The following MGAM variants were observed in gnomAD, a reference collection of about 807,000 sequenced individuals.
The protein encoded by MGAM is alpha-1,4-glucosidase.
In MGAM, 253 loss-of-function variants were observed where a neutral mutation model predicts 358.8. The observed-to-expected ratio is 0.71, with a 90% confidence interval of 0.64 to 0.78. The LOEUF is 0.78. Among genes scored for constraint, MGAM ranks in the 30% least tolerant of loss-of-function variants. MGAM has a pLI of 0.00. For synonymous variants in MGAM, 1,105 were observed against 1,227.1 expected, an observed-to-expected ratio of 0.90 and a Z score of 2.08; for missense variants, 3,080 against 3,432.6, an observed-to-expected ratio of 0.90 and a Z score of 2.57.
chr7:142,103,008 G>A (rs1014227180), intron 69 of MGAM, among the ~76,000 whole-genome samples: 1 of 152,204 alleles, frequency 6.6e-6, no homozygotes, highest in Non-Finnish European at 1.5e-5. Flanking sequence ...TAGAATATAA[G>A]TATCTTAACA....
At chr7:142,092,752 T>A (rs1230946256) in intron 59 of MGAM, 144 bp downstream of exon 59, 3 of 813,472 alleles carry the variant, frequency 3.7e-6, no homozygotes, top group Non-Finnish European at 5.7e-6. Flanking sequence ...AGACAAAAGC[T>A]CTGCACGCGC....
intron 21 of MGAM, among the ~76,000 whole-genome samples, chr7:142,045,265 ATT>A (rs1271077599): frequency 9.7e-6 from 1 of 103,206 alleles, no homozygotes; most frequent in African/African-American, 4.1e-5. Flanking sequence ...TATAATATAT[ATT>A]ATATATACCT....
intron 54 of MGAM, 98 bp downstream of exon 54, chr7:142,084,742 T>C (rs1814609234): frequency 7.0e-7 from 1 of 1,423,636 alleles, no homozygotes; most frequent in African/African-American, 1.4e-5. Flanking sequence ...TATAAAGACA[T>C]AATGTTCTTT....
chr7:142,080,548 C>T (rs57432850), intron 49 of MGAM, among the ~76,000 whole-genome samples: 2,855 of 146,110 alleles, frequency 0.02, 184 homozygotes, highest in African/African-American at 0.066. Flanking sequence ...TGATTTTCTA[C>T]GTTAGCACCA....
At chr7:142,090,699 GC>G (rs1486433277) in intron 57 of MGAM, among the ~76,000 whole-genome samples, 2 of 145,994 alleles carry the variant, frequency 1.4e-5, no homozygotes, top group Non-Finnish European at 3.1e-5. Context: ...CTCCTCACCA[GC>G]ATTCTTTAGC....
chr7:142,095,856 T>C, intron 64 of MGAM, 143 bp downstream of exon 64: 3 of 1,295,412 alleles, frequency 2.3e-6, no homozygotes, highest in South Asian at 2.8e-5. Context: ...TTACTCTCTT[T>C]AGCACAGTGC....
At chr7:142,059,646 G>A (rs1348260033) in intron 32 of MGAM, 46 bp downstream of exon 32, 6 of 1,607,070 alleles carry the variant, frequency 3.7e-6, no homozygotes, top group Non-Finnish European at 4.3e-6. Flanking sequence ...GAGCAGGTAT[G>A]GGCTTTGGTG....
chr7:142,100,663 A>T (rs771578970), intron 67 of MGAM, 139 bp from the exon 68 acceptor site: 2 of 743,480 alleles, frequency 2.7e-6, no homozygotes, highest in African/African-American at 1.7e-5. Flanking sequence ...TAGAACTAAG[A>T]CACAAGTCTC....
chr7:142,043,885 T>C (rs1479327909), intron 21 of MGAM, among the ~76,000 whole-genome samples: 13 of 121,300 alleles, frequency 1.1e-4, no homozygotes, highest in African/African-American at 3.6e-4. Context: ...ATACGACGTA[T>C]AATATATACA....
At chr7:142,045,333 A>G (rs1563157452) in intron 21 of MGAM, among the ~76,000 whole-genome samples, 2 of 111,638 alleles carry the variant, frequency 1.8e-5, no homozygotes, top group African/African-American at 7.4e-5. Flanking sequence ...GATATATAAT[A>G]TATATTATAT....
At chr7:141,991,577 T>C (rs10278821), upstream of MGAM, among the ~76,000 whole-genome samples, 23,651 of 151,696 alleles carry the variant, frequency 0.16, 3,867 homozygotes, top group African/African-American at 0.41. Context: ...GCTGGGATTA[T>C]AGGCACGCGC....
chr7:142,030,764 TAATGGG>T lies in MGAM; in HGVS notation c.1470+10_1470+15del. The T allele has an allele frequency of 6.3e-7, 1 of 1,577,088 alleles. No homozygotes were observed. Among genetic ancestry groups the T allele is most frequent in the African/African-American group, 1.3e-5 (1 of 74,128 alleles). ...GACTCCACTCATTGGGGAGGTAACT[TAATGGG>T]AAGGCTGGAGGCTGGTGGAGGGGCT... On this transcript the variant is annotated splice_region_variant and intron_variant, in intron 12 of 70. Transcript: ENST00000475668.
In MGAM at chr7:142,065,847, C is replaced by T; in HGVS notation, c.4770+16C>T. ...TGGGACCAGGGTAGGACAGTGGCTT[C>T]TACCTCCACTGTTTTATGTCACTTG... On this transcript the variant is annotated intron_variant, in intron 40 of 70. Transcript: ENST00000475668. 6.7e-7 allele frequency: 1 copy of T among 1,490,404 alleles called. No homozygotes were observed. Among genetic ancestry groups the T allele is most frequent in the Non-Finnish European group, 9.3e-7 (1 of 1,074,284 alleles). 92.3% of individuals were successfully genotyped at this position (1,490,404 alleles called of 1,614,324 possible).
rs761232042 is a variant in MGAM at position 142,102,613 on chromosome 7, T to C, written c.7964-17T>C. The C allele has an allele frequency of 7.4e-6, 12 of 1,611,966 alleles. No individual in the cohort carries two copies. Among genetic ancestry groups the C allele is most frequent in the Non-Finnish European group, 9.3e-6 (11 of 1,178,746 alleles). On this transcript the variant is annotated splice_polypyrimidine_tract_variant and intron_variant, in intron 68 of 70. Transcript: ENST00000475668. Reference sequence around the variant, plus strand: ...AGCACAGGTCCAGGCCATGTTTATCTTGTTTTTTGTTTGCAGATACCTATG... The same window carrying C: ...AGCACAGGTCCAGGCCATGTTTATCCTGTTTTTTGTTTGCAGATACCTATG...
In MGAM at chr7:142,088,735, GTCTGTCTGTCTGTCTATCTA is replaced by G. The variant is rs1261340564; in HGVS notation, c.6810+2022_6810+2041del. On this transcript the variant is annotated intron_variant, in intron 57 of 70. Transcript: ENST00000475668. Reference sequence around the variant, plus strand: ...CCTATTCATTTATGTCTGTCTGTCTGTCTGTCTGTCTGTCTATCTATCTATCTATCTATCTATCTATCTAT... The same window carrying G: ...CCTATTCATTTATGTCTGTCTGTCTGTCTATCTATCTATCTATCTATCTAT... Among the ~76,000 whole-genome samples the G allele has an allele frequency of 8.1e-3, 792 of 97,186 alleles. 19 individuals are homozygous for G. The highest frequency in any genetic ancestry group is 0.031 in the African/African-American group (745 of 24,024). 63.8% of individuals were successfully genotyped at this position (97,186 alleles called of 152,430 possible). A position where few individuals can be genotyped will look rare whatever the true frequency, so the allele number is the denominator to read the frequency against.
At chr7:142,061,025 G>A (rs1369838598) in intron 34 of MGAM, among the ~76,000 whole-genome samples, 2 of 152,038 alleles carry the variant, frequency 1.3e-5, no homozygotes, top group Admixed American at 1.3e-4. Context: ...TTTCCCGATT[G>A]ACTAAGCATT....
At chr7:142,056,144 C>G in intron 29 of MGAM, 48 bp downstream of exon 29, 4 of 1,525,434 alleles carry the variant, frequency 2.6e-6, no homozygotes, top group Non-Finnish European at 3.6e-6. Context: ...CCAATCATGC[C>G]TGAGTCAATT....
At chr7:142,045,508 C>CATATAATATATGATATAATATATATTAT (rs1810124522) in intron 21 of MGAM, among the ~76,000 whole-genome samples, 1 of 85,924 alleles carries the variant, frequency 1.2e-5, no homozygotes, top group Non-Finnish European at 1.9e-5. Context: ...TTATATATTA[C>CATATAATATATGATATAATATATATTAT]ATATACATAT....
At chr7:142,009,311 A>G (rs1554453632) in intron 3 of MGAM, among the ~76,000 whole-genome samples, 1 of 152,200 alleles carries the variant, frequency 6.6e-6, no homozygotes, top group Non-Finnish European at 1.5e-5. Context: ...CCTGATTATG[A>G]TGATTATAAA....
Sources: gnomAD v4.1 joint callset for allele counts (sites outside exome capture counted in the v4.1 genomes callset) on GRCh38, gnomAD v4.1.1 for gene constraint, MANE v1.5 for transcripts, NCBI Gene and HGNC (gene_info 2026-07-23, HGNC 2026-07-21) for gene names.